XKR6: variants seen among roughly 807,000 people sequenced by gnomAD.
XKR6 encodes the protein XK-related protein 6.
Under a neutral mutation model 56.7 loss-of-function variants are expected in XKR6, and 22 were observed. The ratio of observed to expected loss-of-function variants is 0.39; its 90% CI spans 0.28 to 0.55. The LOEUF (loss-of-function observed/expected upper bound fraction) is 0.55, where lower values mean the gene tolerates loss of function less well. Among genes scored for constraint, XKR6 ranks in the 20% least tolerant of loss-of-function variants. The pLI is 0.66. For missense variants in XKR6, 852 were observed against 889.0 expected (o/e 0.96, Z 0.53); for synonymous variants, 524 against 387.8 (o/e 1.35, Z -4.13).
At chr8:10,969,653 G>T (rs1303907825) in intron 1 of XKR6, among the ~76,000 whole-genome samples, 4 of 152,222 alleles carry the variant, frequency 2.6e-5, no homozygotes, top group African/African-American at 9.6e-5. Flanking sequence ...AACTGTTGGA[G>T]CACAGCCTAG....
intron 1 of XKR6, among the ~76,000 whole-genome samples, chr8:10,933,714 G>A (rs1365938054): frequency 6.7e-6 from 1 of 149,100 alleles, no homozygotes; most frequent in African/African-American, 2.5e-5. Flanking sequence ...TTGTAGGTAA[G>A]CGGCGTTATT....
intron 1 of XKR6, among the ~76,000 whole-genome samples, chr8:10,990,895 CTTTTTT>C (rs59410799): frequency 2.2e-4 from 16 of 73,596 alleles, no homozygotes; most frequent in Middle Eastern, 0.011. Context: ...TGGGGAATGT[CTTTTTT>C]TTTTTTTTTT....
intron 1 of XKR6, among the ~76,000 whole-genome samples, chr8:11,079,527 C>T (rs1797640589): frequency 6.6e-6 from 1 of 152,086 alleles, no homozygotes. Context: ...CTACACTGCA[C>T]CAATTGTTAG....
At chr8:11,141,815 C>G (rs1211990220) in intron 1 of XKR6, among the ~76,000 whole-genome samples, 1 of 152,132 alleles carries the variant, frequency 6.6e-6, no homozygotes, top group Non-Finnish European at 1.5e-5. Context: ...GGAGCATAAC[C>G]AATCTATGCT....
intron 1 of XKR6, among the ~76,000 whole-genome samples, chr8:11,181,663 CTCA>C (rs1472578593): frequency 3.9e-5 from 6 of 152,124 alleles, no homozygotes; most frequent in Non-Finnish European, 7.3e-5. Flanking sequence ...GAGGAAGAAC[CTCA>C]TCAATGCCAA....
intron 1 of XKR6, chr8:11,062,670 A>C (rs1422312854): frequency 2.2e-6 from 1 of 448,460 alleles, no homozygotes; most frequent in Non-Finnish European, 4.5e-6. Context: ...ATTACTCTTT[A>C]ATGTGATCTG....
At chr8:11,110,136 C>T (rs1427721720) in intron 1 of XKR6, among the ~76,000 whole-genome samples, 1 of 152,066 alleles carries the variant, frequency 6.6e-6, no homozygotes, top group Non-Finnish European at 1.5e-5. Flanking sequence ...CCACATCCGG[C>T]TCATTTTTGT....
chr8:11,064,872 T>C (rs6601556), intron 1 of XKR6, among the ~76,000 whole-genome samples: 51,489 of 152,042 alleles, frequency 0.34, 9,654 homozygotes, highest in African/African-American at 0.47. Context: ...GTGCAAATAG[T>C]GTTAAAGACA....
At chr8:11,111,832 A>G (rs1798911452) in intron 1 of XKR6, 1 of 152,184 alleles carries the variant, frequency 6.6e-6, no homozygotes, top group South Asian at 2.1e-4. Context: ...AAATATGTCC[A>G]ATATATTGAA....
intron 1 of XKR6, among the ~76,000 whole-genome samples, chr8:11,131,948 C>G (rs1800123651): frequency 6.6e-6 from 1 of 152,114 alleles, no homozygotes; most frequent in Non-Finnish European, 1.5e-5. Flanking sequence ...CTATGCATTT[C>G]TCAGAACATT....
At chr8:11,198,037 G>A (rs1035156532) in intron 1 of XKR6, among the ~76,000 whole-genome samples, 2 of 152,168 alleles carry the variant, frequency 1.3e-5, no homozygotes, top group African/African-American at 4.8e-5. Flanking sequence ...TAACCTTTAT[G>A]TTATGTGACC....
chr8:11,115,639 C>CA (rs34673445), intron 1 of XKR6, among the ~76,000 whole-genome samples: 78,886 of 151,936 alleles, frequency 0.52, 21,915 homozygotes, highest in African/African-American at 0.66. Context: ...GATACGTTAC[C>CA]AAAAAAATGT....
At chr8:10,975,015 T>C (rs1334679115) in intron 1 of XKR6, among the ~76,000 whole-genome samples, 2 of 152,094 alleles carry the variant, frequency 1.3e-5, no homozygotes, top group Non-Finnish European at 2.9e-5. Flanking sequence ...GAACATCTGG[T>C]TTCAAATCCC....
intron 1 of XKR6, among the ~76,000 whole-genome samples, chr8:11,006,526 A>G (rs77072157): frequency 4.8e-4 from 73 of 152,302 alleles, no homozygotes; most frequent in African/African-American, 1.6e-3. Flanking sequence ...GTAAACCACC[A>G]AGTGGAATAG....
intron 1 of XKR6, among the ~76,000 whole-genome samples, chr8:11,179,786 G>A (rs534425376): frequency 2.6e-5 from 4 of 152,210 alleles, no homozygotes; most frequent in African/African-American, 9.6e-5. Flanking sequence ...CAATCAATAC[G>A]GAGCCTACCT....
chr8:11,194,645 A>C (rs2117144830), intron 1 of XKR6: 1 of 152,942 alleles, frequency 6.5e-6, no homozygotes, highest in South Asian at 2.1e-4. Context: ...TCAGAGACAC[A>C]GTTTCTTTTT....
At chr8:11,012,825 T>C (rs1240119520) in intron 1 of XKR6, among the ~76,000 whole-genome samples, 2 of 152,098 alleles carry the variant, frequency 1.3e-5, no homozygotes, top group African/African-American at 4.8e-5. Context: ...CCATGTCTAA[T>C]CAATGGCCAT....
At chr8:11,032,695 G>A (rs752473700) in intron 1 of XKR6, among the ~76,000 whole-genome samples, 3 of 152,174 alleles carry the variant, frequency 2.0e-5, no homozygotes, top group Non-Finnish European at 4.4e-5. Flanking sequence ...GATGGCTCAG[G>A]AGCTGGGGCC....
intron 1 of XKR6, among the ~76,000 whole-genome samples, chr8:11,198,932 G>T (rs1047711478): frequency 1.3e-5 from 2 of 151,128 alleles, no homozygotes; most frequent in Non-Finnish European, 2.9e-5. Context: ...AAAAAAAAAG[G>T]TATCTCCAAT....
Sources: gnomAD v4.1 joint callset for allele counts (sites outside exome capture counted in the v4.1 genomes callset) on GRCh38, gnomAD v4.1.1 for gene constraint, MANE v1.5 for transcripts, NCBI Gene and HGNC (gene_info 2026-07-23, HGNC 2026-07-21) for gene names.